LIMCH1: variants seen among roughly 807,000 people sequenced by gnomAD.
The protein encoded by LIMCH1 is LIM and calponin homology domains 1, also known as LIM and calponin homology domains-containing protein 1.
A neutral mutation model predicts 176.5 loss-of-function variants in LIMCH1; 113 were observed. The ratio of observed to expected loss-of-function variants is 0.64; its 90% CI spans 0.55 to 0.75. The LOEUF (loss-of-function observed/expected upper bound fraction) is 0.75, where lower values mean the gene tolerates loss of function less well. Among genes scored for constraint, LIMCH1 ranks in the 30% least tolerant of loss-of-function variants. The pLI is 0.00. For missense variants in LIMCH1, 1,674 were observed against 1,814.9 expected (o/e 0.92, Z 1.41); for synonymous variants, 619 against 645.9 (o/e 0.96, Z 0.63).
intron 1 of LIMCH1, among the ~76,000 whole-genome samples, chr4:41,371,699 T>C (rs973964139): frequency 6.6e-6 from 1 of 152,192 alleles, no homozygotes; most frequent in African/African-American, 2.4e-5. Flanking sequence ...TCACCCATGT[T>C]AAGACTGGCA....
At chr4:41,515,850 C>T (rs1477032788) in intron 2 of LIMCH1, among the ~76,000 whole-genome samples, 1 of 152,190 alleles carries the variant, frequency 6.6e-6, no homozygotes, top group Non-Finnish European at 1.5e-5. Context: ...TATTCCACCC[C>T]AAGACTGGAT....
intron 2 of LIMCH1, among the ~76,000 whole-genome samples, chr4:41,518,938 A>G (rs1299743879): frequency 6.6e-6 from 1 of 152,074 alleles, no homozygotes; most frequent in East Asian, 1.9e-4. Context: ...GCTGCATAGT[A>G]TTCCATGGTG....
At chr4:41,415,605 T>C (rs1561295253) in intron 1 of LIMCH1, among the ~76,000 whole-genome samples, 1 of 152,158 alleles carries the variant, frequency 6.6e-6, no homozygotes, top group Non-Finnish European at 1.5e-5. Context: ...CATCACCAGC[T>C]CTGTGATGCT....
intron 1 of LIMCH1, chr4:41,453,426 A>T (rs2064141654): frequency 6.6e-6 from 1 of 152,248 alleles, no homozygotes; most frequent in African/African-American, 2.4e-5. Flanking sequence ...TGTATTATAT[A>T]CTGTATTCTT....
chr4:41,521,399 T>C (rs1387924828), intron 2 of LIMCH1, among the ~76,000 whole-genome samples: 2 of 152,168 alleles, frequency 1.3e-5, no homozygotes, highest in African/African-American at 2.4e-5. Flanking sequence ...AGAAGTTATA[T>C]AAATATAACA....
chr4:41,616,723 GC>G (rs1475928630), intron 5 of LIMCH1, among the ~76,000 whole-genome samples: 1 of 151,974 alleles, frequency 6.6e-6, no homozygotes, highest in Non-Finnish European at 1.5e-5. Flanking sequence ...TACTGGGCCG[GC>G]CACCTCCTAG....
chr4:41,408,502 A>G (rs1276414841), intron 1 of LIMCH1, among the ~76,000 whole-genome samples: 2 of 152,186 alleles, frequency 1.3e-5, no homozygotes, highest in East Asian at 3.9e-4. Context: ...AATCTGCCCA[A>G]AGTCTCACAG....
At chr4:41,618,741 A>T (rs1449569740) in intron 5 of LIMCH1, among the ~76,000 whole-genome samples, 1 of 152,196 alleles carries the variant, frequency 6.6e-6, no homozygotes, top group Admixed American at 6.5e-5. Context: ...TAGGTATGTT[A>T]TGGGTTGGTT....
intron 1 of LIMCH1, among the ~76,000 whole-genome samples, chr4:41,368,555 C>T (rs535601427): frequency 1.2e-4 from 19 of 152,138 alleles, no homozygotes; most frequent in Non-Finnish European, 2.4e-4. Context: ...GCTAAGACCA[C>T]GGAAGAATTC....
At chr4:41,607,469 C>T (rs2090882201) in intron 4 of LIMCH1, among the ~76,000 whole-genome samples, 1 of 152,200 alleles carries the variant, frequency 6.6e-6, no homozygotes. Flanking sequence ...TCAGTCTCAC[C>T]TCTTATTTGC....
chr4:41,446,340 G>T (rs1437894467), intron 1 of LIMCH1, among the ~76,000 whole-genome samples: 1 of 152,162 alleles, frequency 6.6e-6, no homozygotes, highest in Non-Finnish European at 1.5e-5. Flanking sequence ...GAGTCTATTA[G>T]TGTCCGACAA....
rs150282220 is a variant in LIMCH1, at chr4:41,660,101, C to A, written c.3037-1319C>A. Among the ~76,000 whole-genome samples, 1,446 of 152,086 alleles carry A rather than the reference C, an allele frequency of 9.5e-3. 9 individuals are homozygous for A. The highest frequency in any genetic ancestry group is 0.023 in the East Asian group (117 of 5,182). On this transcript the variant is annotated intron_variant, in intron 18 of 31. Transcript: ENST00000503057. ...TTTTTTCTATATGTTTATGTATAGG[C>A]ATGTATATAATCATATACATGTAAA... is the stretch of plus-strand genomic sequence containing the variant.
At chr4:41,623,315 CA>C (rs2092712940) in intron 7 of LIMCH1, among the ~76,000 whole-genome samples, 1 of 152,128 alleles carries the variant, frequency 6.6e-6, no homozygotes, top group Non-Finnish European at 1.5e-5. Context: ...ACAAGAGGAC[CA>C]CTTGTTGTGG....
intron 14 of LIMCH1, among the ~76,000 whole-genome samples, chr4:41,643,162 G>C (rs898953358): frequency 1.3e-5 from 2 of 152,184 alleles, no homozygotes; most frequent in African/African-American, 4.8e-5. Context: ...GGGAAGGTGG[G>C]CAGCCATTGC....
Position 41,631,436 on chromosome 4 carries a change from C to G in LIMCH1, c.1560C>G (p.Ser520Arg). ...CTCCTGTCTCAGCGGCCACTTCCAG[C>G]TTAAAGGGCCACCAAATATTTAATC... ...SVSPVSAATS[S>R]LKGHQIFNRQ... Residue 520 changes from serine to arginine, a missense_variant, in exon 10 of 32, where the codon AGC (serine) becomes AGG (arginine). This residue lies in a region of LIMCH1 where 655 missense variants were observed against 692.2 expected (regional missense o/e 0.95). Coordinates refer to ENST00000503057, the MANE Select transcript of LIMCH1 (RefSeq NM_001330672.2). 1 of 1,525,522 alleles carries G rather than the reference C, an allele frequency of 6.6e-7. No homozygotes were observed. Among genetic ancestry groups the G allele is most frequent in the Non-Finnish European group, 8.7e-7 (1 of 1,143,394 alleles). 94.5% of individuals were successfully genotyped at this position (1,525,522 alleles called of 1,614,324 possible).
chr4:41,676,293 C>T, intron 22 of LIMCH1, 89 bp from the exon 23 acceptor site: 1 of 954,944 alleles, frequency 1.0e-6, no homozygotes, highest in Non-Finnish European at 1.6e-6. Flanking sequence ...ATCTGGGTGC[C>T]AGGCCAGAGG....
chr4:41,597,964 C>A (rs939492948), intron 1 of LIMCH1, among the ~76,000 whole-genome samples: 1 of 152,156 alleles, frequency 6.6e-6, no homozygotes, highest in South Asian at 2.1e-4. Flanking sequence ...TCTGTAATCA[C>A]CACCATCGTT....
chr4:41,691,057 G>T (rs1368770078), intron 30 of LIMCH1, among the ~76,000 whole-genome samples: 1 of 152,064 alleles, frequency 6.6e-6, no homozygotes, highest in Non-Finnish European at 1.5e-5. Flanking sequence ...AGGTGGTAAG[G>T]GCTCTTTGCA....
chr4:41,472,297 A>G (rs1043467440), intron 1 of LIMCH1, among the ~76,000 whole-genome samples: 1 of 151,746 alleles, frequency 6.6e-6, no homozygotes, highest in African/African-American at 2.4e-5. Context: ...GATTTTGCCA[A>G]CTCTGCAGAA....
Sources: gnomAD v4.1 joint callset for allele counts (sites outside exome capture counted in the v4.1 genomes callset) on GRCh38, gnomAD v4.1.1 for gene constraint, gnomAD v4.1.1 regional missense constraint, MANE v1.5 for transcripts, NCBI Gene and HGNC (gene_info 2026-07-23, HGNC 2026-07-21) for gene names.